The following MACC1 variants were observed in gnomAD, a reference collection of about 807,000 sequenced individuals.
MACC1 encodes metastasis-associated in colon cancer protein 1.
A neutral mutation model predicts 70.7 loss-of-function variants in MACC1; 79 were observed. That is an observed-to-expected ratio of 1.12 (90% CI 0.93 to 1.35). The LOEUF is 1.35. Ranked by LOEUF, MACC1 falls within the 40% of genes most tolerant of loss-of-function variation. The probability of loss-of-function intolerance (pLI) is 0.00; values close to 1 mark genes in which losing one functional copy is unlikely to be tolerated. For synonymous variants in MACC1, 361 were observed against 347.2 expected, an observed-to-expected ratio of 1.04 and a Z score of -0.44; for missense variants, 1,106 against 978.1, an observed-to-expected ratio of 1.13 and a Z score of -1.74.
intron 2 of MACC1, among the ~76,000 whole-genome samples, chr7:20,166,520 A>G: frequency 6.6e-6 from 1 of 152,160 alleles, no homozygotes; most frequent in East Asian, 1.9e-4. Flanking sequence ...TATACACCAT[A>G]CACAAGCATA....
intron 1 of MACC1, among the ~76,000 whole-genome samples, chr7:20,180,926 T>C (rs1782494600): frequency 1.3e-5 from 2 of 152,118 alleles, no homozygotes; most frequent in Non-Finnish European, 2.9e-5. Context: ...GTTTATGAAA[T>C]ATGTATAGAA....
chr7:20,181,167 T>C (rs1410020663), intron 1 of MACC1, among the ~76,000 whole-genome samples: 1 of 151,906 alleles, frequency 6.6e-6, no homozygotes, highest in East Asian at 1.9e-4. Flanking sequence ...ATGAAAGAAA[T>C]AGGACTGCCA....
intron 1 of MACC1, among the ~76,000 whole-genome samples, chr7:20,181,030 T>A (rs759959573): frequency 3.3e-5 from 5 of 152,034 alleles, no homozygotes; most frequent in Non-Finnish European, 7.4e-5. Flanking sequence ...GATTTTAAGC[T>A]AATAAATTTG....
intron 1 of MACC1, among the ~76,000 whole-genome samples, chr7:20,172,244 T>G (rs935439722): frequency 2.0e-5 from 3 of 152,048 alleles, no homozygotes; most frequent in African/African-American, 7.2e-5. Context: ...ACAAGCAGGG[T>G]GAGCTGCCAT....
chr7:20,163,532 T>A (rs1461064839), intron 3 of MACC1, among the ~76,000 whole-genome samples: 1 of 152,224 alleles, frequency 6.6e-6, no homozygotes, highest in African/African-American at 2.4e-5. Flanking sequence ...CTTTGCCATA[T>A]AAGTGGATAA....
intron 1 of MACC1, among the ~76,000 whole-genome samples, chr7:20,192,882 A>G (rs1782693529): frequency 6.6e-6 from 1 of 152,244 alleles, no homozygotes; most frequent in Admixed American, 6.5e-5. Flanking sequence ...GAAATTGAAA[A>G]GTACTACAGG....
intron 1 of MACC1, among the ~76,000 whole-genome samples, chr7:20,185,733 C>G (rs889799012): frequency 6.6e-6 from 1 of 152,190 alleles, no homozygotes; most frequent in Admixed American, 6.5e-5. Flanking sequence ...CAGAAACTTA[C>G]AATAGCTAGC....
At chr7:20,193,692 T>G (rs138120069) in intron 1 of MACC1, among the ~76,000 whole-genome samples, 272 of 152,180 alleles carry the variant, frequency 1.8e-3, no homozygotes, top group African/African-American at 6.3e-3. Context: ...TAGAGGGCCA[T>G]GTCCCACTTT....
intron 1 of MACC1, among the ~76,000 whole-genome samples, chr7:20,214,304 A>G (rs946232090): frequency 6.6e-6 from 1 of 152,154 alleles, no homozygotes; most frequent in Non-Finnish European, 1.5e-5. Flanking sequence ...TGGAATACCC[A>G]GTATCCCTCC....
At position 20,159,105 on chromosome 7, in the gene MACC1, A is replaced by T; in HGVS notation, c.1256T>A (p.Leu419His). The change falls in exon 5 of 7, where the codon CTC becomes CAC. Residue 419 changes from leucine (L) to histidine (H), a missense_variant. Transcript: ENST00000400331. ...GKNISPVVFQ[L>H]WGKQSFLLDK... ...AAGTAAAAATGACTGCTTCCCCCAG[A>T]GCTGAAACACAACTGGAGATATGTT... 1 of 1,613,532 alleles carries T rather than the reference A, an allele frequency of 6.2e-7. No individual in the cohort carries two copies. Among genetic ancestry groups the T allele is most frequent in the South Asian group, 1.1e-5 (1 of 90,994 alleles).
At chr7:20,153,732 G>C (rs930395600) in intron 6 of MACC1, among the ~76,000 whole-genome samples, 1 of 152,130 alleles carries the variant, frequency 6.6e-6, no homozygotes, top group Non-Finnish European at 1.5e-5. Context: ...ATCACCAGTG[G>C]CTCTACATCC....
At chr7:20,176,478 T>C (rs889798657) in intron 1 of MACC1, among the ~76,000 whole-genome samples, 6 of 152,136 alleles carry the variant, frequency 3.9e-5, no homozygotes, top group Non-Finnish European at 7.4e-5. Context: ...TCTCTGAAAA[T>C]AGGGATAAAA....
In MACC1 at chr7:20,138,165, A is replaced by G. The variant is rs1180228171; in HGVS notation, c.*2781T>C. ...CAGACTCTGGCTCAAAAAAAAAAAA[A>G]AAAAAAAAAAAAAAAAATTTCCCCT... On this transcript the variant is annotated 3_prime_UTR_variant, in exon 7 of 7. Transcript: ENST00000400331. The G allele has an allele frequency of 5.7e-5, 8 of 141,016 alleles. No individual in the cohort carries two copies. Among genetic ancestry groups the G allele is most frequent in the Non-Finnish European group, 1.2e-4 (8 of 67,672 alleles). The allele number at this position is 141,016 out of a possible 1,614,324, so 8.7% of individuals were successfully genotyped here. A position where few individuals can be genotyped will look rare whatever the true frequency, so the allele number is the denominator to read the frequency against.
intron 2 of MACC1, among the ~76,000 whole-genome samples, chr7:20,165,260 G>T (rs1454841556): frequency 6.6e-6 from 1 of 152,104 alleles, no homozygotes; most frequent in South Asian, 2.1e-4. Context: ...AATCCAGAAG[G>T]TCTGGGATTG....
At chr7:20,141,360 A>C (rs1583376357) in intron 6 of MACC1, among the ~76,000 whole-genome samples, 1 of 152,192 alleles carries the variant, frequency 6.6e-6, no homozygotes, top group East Asian at 1.9e-4. Context: ...AAAACTAGAG[A>C]TTTTAAAAAT....
intron 1 of MACC1, among the ~76,000 whole-genome samples, chr7:20,171,531 G>A (rs1782307115): frequency 6.6e-6 from 1 of 151,416 alleles, no homozygotes; most frequent in Admixed American, 6.6e-5. Context: ...TGGGATTACA[G>A]GCATGAGCCA....
At chr7:20,191,654 C>T (rs775912075) in intron 1 of MACC1, among the ~76,000 whole-genome samples, 1 of 152,088 alleles carries the variant, frequency 6.6e-6, no homozygotes, top group African/African-American at 2.4e-5. Context: ...GGAAGGAGGC[C>T]CAGAAGCTGG....
At position 20,140,890 on chromosome 7, in the gene MACC1, C is replaced by CAG. The variant is rs1335560852; in HGVS notation, c.*55_*56insCT. The CAG allele has an allele frequency of 1.5e-6, 2 of 1,364,610 alleles. No homozygotes were observed. The highest frequency in any genetic ancestry group is 2.1e-6 in the Non-Finnish European group (2 of 971,740). 84.5% of individuals were successfully genotyped at this position (1,364,610 alleles called of 1,614,324 possible). A position where few individuals can be genotyped will look rare whatever the true frequency, so the allele number is the denominator to read the frequency against. On this transcript the variant is annotated 3_prime_UTR_variant, in exon 7 of 7. Coordinates refer to ENST00000400331, the MANE Select transcript of MACC1 (RefSeq NM_182762.4). ...ACACACACAGACACACACAGACACA[C>CAG]ACACACACACACCATTACCTCATTT...
rs765365048 is a variant in MACC1, at chr7:20,139,435, G to A, written c.*1511C>T. On this transcript the variant is annotated 3_prime_UTR_variant, in exon 7 of 7. Coordinates refer to ENST00000400331, the MANE Select transcript of MACC1 (RefSeq NM_182762.4). ...CAGTTTCACATGATGGCATCTCTAC[G>A]TTTATATCTCGTAGCATCACAGCCT... is the stretch of plus-strand genomic sequence containing the variant. 3 of 152,008 alleles carry A rather than the reference G, an allele frequency of 2.0e-5. No homozygotes were observed. Among genetic ancestry groups the A allele is most frequent in the Non-Finnish European group, 1.5e-5 (1 of 68,008 alleles). 9.4% of individuals were successfully genotyped at this position (152,008 alleles called of 1,614,324 possible).
Sources: allele counts gnomAD v4.1 joint callset (sites outside exome capture counted in the v4.1 genomes callset), GRCh38; gene constraint gnomAD v4.1.1; transcripts MANE v1.5; gene names NCBI Gene and HGNC (gene_info 2026-07-23, HGNC 2026-07-21).